Variants in AKAP12 observed in about 807,000 individuals in gnomAD.
AKAP12 encodes A-kinase anchoring protein 12.
Under a neutral mutation model 79.9 loss-of-function variants are expected in AKAP12, and 32 were observed. That is an observed-to-expected ratio of 0.40 (90% CI 0.30 to 0.54). AKAP12 has a LOEUF of 0.54. Ranked by LOEUF, AKAP12 falls within the 20% of genes least tolerant of loss-of-function variation. The pLI is 0.48. For missense variants in AKAP12, 2,074 were observed against 2,177.0 expected, an observed-to-expected ratio of 0.95 and a Z score of 0.94; for synonymous variants, 808 against 857.0, an observed-to-expected ratio of 0.94 and a Z score of 1.00.
chr6:151,267,881 A>G (rs1199868179), intron 2 of AKAP12, among the ~76,000 whole-genome samples: 1 of 152,132 alleles, frequency 6.6e-6, no homozygotes, highest in African/African-American at 2.4e-5. Flanking sequence ...CATTGCCGGG[A>G]GACAGACATC....
At chr6:151,322,995 A>G (rs1332599568) in intron 3 of AKAP12, among the ~76,000 whole-genome samples, 1 of 152,228 alleles carries the variant, frequency 6.6e-6, no homozygotes, top group Non-Finnish European at 1.5e-5. Context: ...AATTTAACAA[A>G]AACAGAGAAT....
In AKAP12 at chr6:151,261,202, A is replaced by C. The variant is rs539542229; in HGVS notation, c.162+20478A>C. Among the ~76,000 whole-genome samples the C allele has an allele frequency of 2.6e-5, 4 of 152,000 alleles. No individual in the cohort carries two copies. In the East Asian group the frequency reaches 5.8e-4, roughly 22 times the overall value. ...CAGGAGTTCGAGGCCAGCCTGGTTAACATGGCGAAACCCCATCTCTACTAA... is the reference window on the plus strand; with the variant it reads ...CAGGAGTTCGAGGCCAGCCTGGTTACCATGGCGAAACCCCATCTCTACTAA... On this transcript the variant is annotated intron_variant, in intron 2 of 4. Transcript: ENST00000402676.
rs936422394 is a variant in AKAP12 at position 151,260,897 on chromosome 6, C to T, written c.162+20173C>T. Among the ~76,000 whole-genome samples the T allele has an allele frequency of 4.6e-5, 7 of 152,142 alleles. No individual in the cohort carries two copies. The East Asian group carries it at 9.7e-4, about 21-fold the overall frequency. ...GTCCCAGCTGCTCGGGAGGCTGACA[C>T]AGGAGAATCGCTTGAACCGGGGAGG... is the stretch of plus-strand genomic sequence containing the variant. On this transcript the variant is annotated intron_variant, in intron 2 of 4. Transcript: ENST00000402676.
At chr6:151,291,089 G>GATC (rs1776609264) in intron 2 of AKAP12, among the ~76,000 whole-genome samples, 1 of 152,178 alleles carries the variant, frequency 6.6e-6, no homozygotes, top group African/African-American at 2.4e-5. Flanking sequence ...AGTTGCTGCA[G>GATC]ATCACCTCAT....
chr6:151,289,207 GACAGAACCA>G (rs781599730), intron 2 of AKAP12, among the ~76,000 whole-genome samples: 2 of 152,108 alleles, frequency 1.3e-5, no homozygotes, highest in African/African-American at 2.4e-5. Context: ...GCCCTTCTCC[GACAGAACCA>G]ACACCAGCCA....
chr6:151,301,995 G>A (rs985612681), intron 2 of AKAP12, among the ~76,000 whole-genome samples: 1 of 151,114 alleles, frequency 6.6e-6, no homozygotes, highest in African/African-American at 2.4e-5. Flanking sequence ...TTTGCTATGT[G>A]TGTGTAACAT....
intron 3 of AKAP12, among the ~76,000 whole-genome samples, chr6:151,326,754 C>G (rs80115621): frequency 1.3e-5 from 2 of 152,080 alleles, no homozygotes; most frequent in Non-Finnish European, 2.9e-5. Flanking sequence ...TTTATAGGAA[C>G]AGGACTTCTT....
chr6:151,259,057 A>G (rs1582837966), intron 2 of AKAP12, among the ~76,000 whole-genome samples: 1 of 145,558 alleles, frequency 6.9e-6, no homozygotes, highest in African/African-American at 2.5e-5. Flanking sequence ...GTATATATAT[A>G]TATTGGAGAC....
chr6:151,269,731 A>C (rs1158442308), intron 2 of AKAP12, among the ~76,000 whole-genome samples: 2 of 152,262 alleles, frequency 1.3e-5, no homozygotes, highest in Non-Finnish European at 2.9e-5. Flanking sequence ...CTTTGTTAAG[A>C]TAATAATTCA....
chr6:151,345,926 TGTGTGTGA>T (rs1190168613), intron 3 of AKAP12, among the ~76,000 whole-genome samples: 168 of 107,538 alleles, frequency 1.6e-3, no homozygotes, highest in African/African-American at 4.8e-3. Flanking sequence ...TGTGTGTGTG[TGTGTGTGA>T]GAGAGAGAGA....
chr6:151,249,260 G>C (rs1296743370), intron 2 of AKAP12, among the ~76,000 whole-genome samples: 2 of 152,222 alleles, frequency 1.3e-5, no homozygotes, highest in African/African-American at 4.8e-5. Flanking sequence ...AACCTACCAA[G>C]TTGTTGAAGA....
At chr6:151,347,429 G>C (rs1778129730) in intron 3 of AKAP12, among the ~76,000 whole-genome samples, 1 of 152,210 alleles carries the variant, frequency 6.6e-6, no homozygotes, top group Non-Finnish European at 1.5e-5. Context: ...AAACTTGATG[G>C]ATTCTTGTTT....
chr6:151,296,244 C>A (rs984357660), intron 2 of AKAP12, among the ~76,000 whole-genome samples: 1 of 152,142 alleles, frequency 6.6e-6, no homozygotes, highest in Non-Finnish European at 1.5e-5. Context: ...ATGCCCACCC[C>A]GGGATGCATC....
At chr6:151,258,544 G>A (rs543335346) in intron 2 of AKAP12, among the ~76,000 whole-genome samples, 4 of 152,222 alleles carry the variant, frequency 2.6e-5, no homozygotes, top group African/African-American at 9.6e-5. Context: ...ATCAACATAG[G>A]GCTATTCTTG....
chr6:151,337,817 G>A (rs1048571912), intron 3 of AKAP12, among the ~76,000 whole-genome samples: 17 of 152,150 alleles, frequency 1.1e-4, no homozygotes, highest in Non-Finnish European at 2.1e-4. Flanking sequence ...AGACTGAGGC[G>A]GATTGCTTTG....
At chr6:151,314,214 A>T (rs1777187202) in intron 3 of AKAP12, among the ~76,000 whole-genome samples, 1 of 151,916 alleles carries the variant, frequency 6.6e-6, no homozygotes, top group Non-Finnish European at 1.5e-5. Flanking sequence ...TTTAGTAGAG[A>T]TGGGGTTTTG....
intron 2 of AKAP12, among the ~76,000 whole-genome samples, chr6:151,291,122 T>G (rs1475989845): frequency 2.6e-5 from 4 of 152,214 alleles, no homozygotes; most frequent in Admixed American, 2.6e-4. Flanking sequence ...TCACCACCTG[T>G]CAGGTTCCCT....
At chr6:151,288,324 G>A (rs1209758779) in intron 2 of AKAP12, among the ~76,000 whole-genome samples, 2 of 152,044 alleles carry the variant, frequency 1.3e-5, no homozygotes, top group Non-Finnish European at 2.9e-5. Flanking sequence ...AAACCAGCCT[G>A]GACAACATGG....
At chr6:151,328,765 A>G (rs1284128779) in intron 3 of AKAP12, among the ~76,000 whole-genome samples, 13 of 152,178 alleles carry the variant, frequency 8.5e-5, no homozygotes, top group Admixed American at 8.5e-4. Context: ...ATGTTATTTT[A>G]GGAGGCCTGT....
Sources: gnomAD v4.1 joint callset for allele counts (sites outside exome capture counted in the v4.1 genomes callset) on GRCh38, gnomAD v4.1.1 for gene constraint, MANE v1.5 for transcripts, NCBI Gene and HGNC (gene_info 2026-07-23, HGNC 2026-07-21) for gene names.